PRKCA: variants seen among roughly 807,000 people sequenced by gnomAD.
The protein encoded by PRKCA is protein kinase C alpha.
PRKCA carries 27 observed loss-of-function variants against 87.0 expected under a neutral mutation model. The observed-to-expected ratio is 0.31, with a 90% CI of 0.23 to 0.43. The LOEUF (loss-of-function observed/expected upper bound fraction) is 0.43. Among genes scored for constraint, PRKCA ranks in the 20% least tolerant of loss-of-function variants. PRKCA has a pLI of 1.00. For synonymous variants in PRKCA, 329 were observed against 311.1 expected, an observed-to-expected ratio of 1.06 and a Z score of -0.61; for missense variants, 518 against 852.3, an observed-to-expected ratio of 0.61 and a Z score of 4.88.
intron 3 of PRKCA, among the ~76,000 whole-genome samples, chr17:66,532,365 TA>T (rs1967579914): frequency 6.8e-6 from 1 of 147,814 alleles, no homozygotes; most frequent in Non-Finnish European, 1.5e-5. Flanking sequence ...AATTTTATTT[TA>T]TTTTTTTATT....
rs527825063 is a variant in PRKCA, at chr17:66,732,036, C to T, written c.919-652C>T. 2.2e-3 allele frequency among the ~76,000 whole-genome samples: 324 copies of T among 150,694 alleles called. 5 individuals carry two copies. Among genetic ancestry groups the T allele is most frequent in the Non-Finnish European group, 9.5e-4 (64 of 67,724 alleles). On this transcript the variant is annotated intron_variant, in intron 8 of 16. Transcript: ENST00000413366. ...AACTCCAGACCTCAGGTGATCCACCCGCCTCGGCCTCCCAGAGTGCTGGGA... is the reference window on the plus strand; with the variant it reads ...AACTCCAGACCTCAGGTGATCCACCTGCCTCGGCCTCCCAGAGTGCTGGGA...
At chr17:66,654,666 T>C (rs1208890604) in intron 5 of PRKCA, among the ~76,000 whole-genome samples, 1 of 152,234 alleles carries the variant, frequency 6.6e-6, no homozygotes, top group Non-Finnish European at 1.5e-5. Context: ...CTGCAATTAA[T>C]TGTGGAGGCT....
chr17:66,669,912 C>G (rs370350577), intron 5 of PRKCA, among the ~76,000 whole-genome samples: 1 of 152,172 alleles, frequency 6.6e-6, no homozygotes, highest in East Asian at 1.9e-4. Flanking sequence ...AGAAAAGAAA[C>G]ATTCTGGAAA....
chr17:66,548,605 C>T (rs116879811), intron 3 of PRKCA, among the ~76,000 whole-genome samples: 3,608 of 152,186 alleles, frequency 0.024, 53 homozygotes, highest in Non-Finnish European at 0.037. Flanking sequence ...ATCCCAATCC[C>T]TGGAACCTGT....
At chr17:66,683,494 T>A (rs1972544173) in intron 5 of PRKCA, among the ~76,000 whole-genome samples, 1 of 152,126 alleles carries the variant, frequency 6.6e-6, no homozygotes, top group Admixed American at 6.5e-5. Context: ...GGCCCAGGGA[T>A]CAGTGTTTGA....
At chr17:66,309,120 G>A (rs1335674376) in intron 2 of PRKCA, among the ~76,000 whole-genome samples, 1 of 152,098 alleles carries the variant, frequency 6.6e-6, no homozygotes, top group Non-Finnish European at 1.5e-5. Context: ...AGCAAGCATA[G>A]TTTTTCTTTT....
At chr17:66,495,041 G>A (rs1916408268) in intron 2 of PRKCA, among the ~76,000 whole-genome samples, 1 of 150,106 alleles carries the variant, frequency 6.7e-6, no homozygotes, top group Non-Finnish European at 1.5e-5. Context: ...GGTTGAGGCT[G>A]CAGTGAGCCA....
rs59337509 is a variant in PRKCA, at chr17:66,699,210, CAAAA to C, written c.918+10180_918+10183del. ...TGGGCAACATAACTAGACTGTCTCT[CAAAA>C]AAAAAAAAAAAAAAAAGATTAACAA... is the stretch of plus-strand genomic sequence containing the variant. On this transcript the variant is annotated intron_variant, in intron 8 of 16. Transcript: ENST00000413366. Among the ~76,000 whole-genome samples, 101 of 105,610 alleles carry C rather than the reference CAAAA, an allele frequency of 9.6e-4. 2 individuals are homozygous for C. The East Asian group carries it at 0.02, about 21-fold the overall frequency. The allele number at this position is 105,610 out of a possible 152,430, so 69.3% of individuals were successfully genotyped here.
At chr17:66,382,742 A>AT (rs1909833076) in intron 2 of PRKCA, among the ~76,000 whole-genome samples, 1 of 152,184 alleles carries the variant, frequency 6.6e-6, no homozygotes, top group South Asian at 2.1e-4. Flanking sequence ...GTCTGGAGAC[A>AT]TTTTTTATTG....
chr17:66,396,056 G>T (rs867083925), intron 2 of PRKCA, among the ~76,000 whole-genome samples: 112 of 148,964 alleles, frequency 7.5e-4, no homozygotes, highest in African/African-American at 2.6e-3. Flanking sequence ...GGGTTTAACT[G>T]TTTTTTTTTT....
chr17:66,802,386 G>A (rs779064987), intron 16 of PRKCA, among the ~76,000 whole-genome samples: 4 of 152,094 alleles, frequency 2.6e-5, no homozygotes, highest in South Asian at 2.1e-4. Context: ...GTCGCTGGGC[G>A]TGGTGGCTCA....
intron 3 of PRKCA, among the ~76,000 whole-genome samples, chr17:66,579,083 C>T (rs1446423558): frequency 4.6e-5 from 7 of 152,164 alleles, no homozygotes; most frequent in East Asian, 1.9e-4. Flanking sequence ...TGCACATGTG[C>T]GTTCCCTAGT....
At chr17:66,433,271 C>T (rs985086056) in intron 2 of PRKCA, among the ~76,000 whole-genome samples, 4 of 152,174 alleles carry the variant, frequency 2.6e-5, no homozygotes, top group South Asian at 2.1e-4. Context: ...CCTGCAGCCC[C>T]GGCCCCAGCT....
chr17:66,305,472 T>C lies in PRKCA; in HGVS notation c.174-624T>C, dbSNP rs564762348. On this transcript the variant is annotated intron_variant, in intron 1 of 16. Transcript: ENST00000413366. The stretch of plus-strand genomic sequence containing the variant: ...ACAGAGTAAATTCTCTAAAGTCATG[T>C]ACAAGAACAAAATAGCCTCCCTATG... Among the ~76,000 whole-genome samples the C allele has an allele frequency of 8.9e-4, 136 of 152,352 alleles. 1 individual carries two copies. Among genetic ancestry groups the C allele is most frequent in the Non-Finnish European group, 1.7e-3 (114 of 68,018 alleles).
At chr17:66,559,331 C>A (rs1342852911) in intron 3 of PRKCA, among the ~76,000 whole-genome samples, 1 of 151,522 alleles carries the variant, frequency 6.6e-6, no homozygotes, top group Admixed American at 6.6e-5. Flanking sequence ...AAAAAATGAG[C>A]TGGGCGTGGT....
intron 2 of PRKCA, among the ~76,000 whole-genome samples, chr17:66,494,939 C>A (rs2144106322): frequency 6.6e-6 from 1 of 151,950 alleles, no homozygotes; most frequent in African/African-American, 2.4e-5. Context: ...CGTGTCTCTA[C>A]AAAAATGTAA....
rs560649252 is a variant in PRKCA at position 66,423,250 on chromosome 17, GC to G, written c.206-72947del. Among the ~76,000 whole-genome samples the G allele has an allele frequency of 4.2e-3, 640 of 152,260 alleles. 6 individuals carry two copies. The highest frequency in any genetic ancestry group is 0.015 in the African/African-American group (620 of 41,554). ...CTCACCGGAATGCAGCGAGGATTTT[GC>G]CCCTCATGTCATCAAGCTGGTAGTA... is the stretch of plus-strand genomic sequence containing the variant. On this transcript the variant is annotated intron_variant, in intron 2 of 16. Transcript: ENST00000413366.
intron 3 of PRKCA, among the ~76,000 whole-genome samples, chr17:66,576,855 G>A (rs931192709): frequency 9.7e-5 from 14 of 144,630 alleles, no homozygotes; most frequent in African/African-American, 7.9e-5. Context: ...TGTTTTCTCC[G>A]TGGAAAATGG....
At chr17:66,660,034 G>C (rs920781015) in intron 5 of PRKCA, among the ~76,000 whole-genome samples, 2 of 152,168 alleles carry the variant, frequency 1.3e-5, no homozygotes, top group African/African-American at 4.8e-5. Flanking sequence ...GGGAGGCGGT[G>C]TGCCACAGTC....
Sources: gnomAD v4.1 joint callset for allele counts (sites outside exome capture counted in the v4.1 genomes callset) on GRCh38, gnomAD v4.1.1 for gene constraint, MANE v1.5 for transcripts, NCBI Gene and HGNC (gene_info 2026-07-23, HGNC 2026-07-21) for gene names.